The following CNTNAP2 variants were observed in gnomAD, a reference collection of about 807,000 sequenced individuals.
CNTNAP2 encodes the protein contactin associated protein 2.
Under a neutral mutation model 155.2 loss-of-function variants are expected in CNTNAP2, and 98 were observed. That is an observed-to-expected ratio of 0.63 (90% CI 0.54 to 0.75). CNTNAP2 has a LOEUF of 0.75. Ranked by LOEUF, CNTNAP2 falls within the 30% of genes least tolerant of loss-of-function variation. The pLI is 0.00. For missense variants in CNTNAP2, 1,727 were observed against 1,688.1 expected (o/e 1.02, Z -0.40); for synonymous variants, 651 against 631.2 (o/e 1.03, Z -0.47).
At chr7:146,279,212 T>C (rs2129084547) in intron 1 of CNTNAP2, among the ~76,000 whole-genome samples, 1 of 152,270 alleles carries the variant, frequency 6.6e-6, no homozygotes, top group South Asian at 2.1e-4. Context: ...ATGAATGTTG[T>C]TGTCTTTGTT....
At chr7:146,571,696 C>T (rs1798441870) in intron 1 of CNTNAP2, among the ~76,000 whole-genome samples, 1 of 151,552 alleles carries the variant, frequency 6.6e-6, no homozygotes, top group African/African-American at 2.4e-5. Context: ...AGTGTTGTTG[C>T]ATAGGCATTT....
At chr7:146,960,563 A>C (rs1477709739) in intron 3 of CNTNAP2, among the ~76,000 whole-genome samples, 1 of 152,200 alleles carries the variant, frequency 6.6e-6, no homozygotes, top group African/African-American at 2.4e-5. Context: ...TATATTTTAC[A>C]CTGCAGCAAT....
chr7:146,881,147 T>G (rs1264349884), intron 3 of CNTNAP2, among the ~76,000 whole-genome samples: 1 of 152,092 alleles, frequency 6.6e-6, no homozygotes, highest in African/African-American at 2.4e-5. Flanking sequence ...AATAGAACCC[T>G]ATCACATGGA....
At chr7:148,347,214 A>T (rs75826790) in intron 21 of CNTNAP2, among the ~76,000 whole-genome samples, 19,161 of 151,714 alleles carry the variant, frequency 0.13, 1,913 homozygotes, top group East Asian at 0.5. Context: ...CTGAGATTGC[A>T]CCACTACACT....
At chr7:147,698,552 T>C (rs926832598) in intron 13 of CNTNAP2, among the ~76,000 whole-genome samples, 1 of 152,218 alleles carries the variant, frequency 6.6e-6, no homozygotes, top group Admixed American at 6.5e-5. Flanking sequence ...CATTTTATTA[T>C]TTAAGTCCAA....
At chr7:147,304,082 G>A (rs1226861800) in intron 9 of CNTNAP2, among the ~76,000 whole-genome samples, 1 of 152,182 alleles carries the variant, frequency 6.6e-6, no homozygotes, top group African/African-American at 2.4e-5. Context: ...TTGCAGCCCA[G>A]GCTGGGCCGT....
intron 3 of CNTNAP2, among the ~76,000 whole-genome samples, chr7:146,855,172 G>T (rs1216968650): frequency 6.6e-6 from 1 of 152,198 alleles, no homozygotes; most frequent in South Asian, 2.1e-4. Context: ...AGACCGAAAA[G>T]GTTGTTTATA....
chr7:146,937,364 A>AAAATAAAAT (rs1554412072), intron 3 of CNTNAP2, among the ~76,000 whole-genome samples: 5 of 147,286 alleles, frequency 3.4e-5, no homozygotes, highest in African/African-American at 1.2e-4. Flanking sequence ...AAAAAAAAAT[A>AAAATAAAAT]AAAATAAAAT....
At chr7:146,715,026 T>G (rs1284328417) in intron 1 of CNTNAP2, among the ~76,000 whole-genome samples, 1 of 152,062 alleles carries the variant, frequency 6.6e-6, no homozygotes, top group African/African-American at 2.4e-5. Context: ...TACAAGTATT[T>G]TTATACTCTA....
chr7:147,738,134 C>T (rs1373169977), intron 13 of CNTNAP2, among the ~76,000 whole-genome samples: 1 of 152,182 alleles, frequency 6.6e-6, no homozygotes, highest in Non-Finnish European at 1.5e-5. Context: ...TAGACTGGAG[C>T]TGTTCCTATT....
chr7:146,266,176 G>A (rs1291575761), intron 1 of CNTNAP2, among the ~76,000 whole-genome samples: 5 of 152,184 alleles, frequency 3.3e-5, no homozygotes, highest in Admixed American at 2.0e-4. Flanking sequence ...GGACCTGGCA[G>A]TTCACAGTGA....
chr7:146,808,049 T>C (rs7776949), intron 2 of CNTNAP2, among the ~76,000 whole-genome samples: 1 of 152,064 alleles, frequency 6.6e-6, no homozygotes, highest in Non-Finnish European at 1.5e-5. Context: ...ATAGGATGTT[T>C]CTGCTGCAGC....
intron 3 of CNTNAP2, among the ~76,000 whole-genome samples, chr7:146,930,578 C>A (rs1029746134): frequency 6.6e-6 from 1 of 152,126 alleles, no homozygotes; most frequent in African/African-American, 2.4e-5. Flanking sequence ...GAAATTCACG[C>A]ATAACAATAT....
rs532631736 is a variant in CNTNAP2, at chr7:147,702,248, T to C, written c.2098+62942T>C. Among the ~76,000 whole-genome samples, 14 of 152,148 alleles carry C rather than the reference T, an allele frequency of 9.2e-5. No individual in the cohort carries two copies. The East Asian group carries it at 2.7e-3, about 29-fold the overall frequency. ...TCACAAGAGCTGGGGTTGCAGAATT[T>C]GCAGCAGCAATTGTATCAATGGCAT... On this transcript the variant is annotated intron_variant, in intron 13 of 23. Coordinates refer to ENST00000361727, the MANE Select transcript of CNTNAP2 (RefSeq NM_014141.6).
intron 1 of CNTNAP2, among the ~76,000 whole-genome samples, chr7:146,139,143 A>G (rs752401617): frequency 1.3e-5 from 2 of 152,080 alleles, no homozygotes; most frequent in Non-Finnish European, 2.9e-5. Context: ...GGTGACTGGG[A>G]GCTTTGACCC....
intron 1 of CNTNAP2, among the ~76,000 whole-genome samples, chr7:146,747,292 A>T (rs188109747): frequency 6.6e-5 from 10 of 152,282 alleles, no homozygotes; most frequent in Admixed American, 4.6e-4. Flanking sequence ...CTTTTCAGAG[A>T]AAAAATAAAA....
chr7:148,344,056 A>G lies in CNTNAP2; in HGVS notation c.3476-39593A>G, dbSNP rs183149104. Among the ~76,000 whole-genome samples the G allele has an allele frequency of 9.4e-3, 1,434 of 152,318 alleles. 10 individuals carry two copies. The highest frequency in any genetic ancestry group is 0.012 in the Non-Finnish European group (800 of 68,032). ...TACCCCTAGGAGTGCCTTGGGTGAG[A>G]GCGTTGTCCGGGGCAAACCTTATGA... On this transcript the variant is annotated intron_variant, in intron 21 of 23. Coordinates refer to ENST00000361727, the MANE Select transcript of CNTNAP2 (RefSeq NM_014141.6).
intron 1 of CNTNAP2, among the ~76,000 whole-genome samples, chr7:146,307,887 C>A (rs866881694): frequency 6.6e-6 from 1 of 150,874 alleles, no homozygotes; most frequent in South Asian, 2.1e-4. Flanking sequence ...CTAGAAAACC[C>A]AGGCAATACC....
chr7:147,756,646 A>G (rs1417483741), intron 13 of CNTNAP2, among the ~76,000 whole-genome samples: 1 of 152,242 alleles, frequency 6.6e-6, no homozygotes, highest in Non-Finnish European at 1.5e-5. Context: ...AGAAAAAAAT[A>G]CTACTTTGAA....
Sources: allele counts gnomAD v4.1 joint callset (sites outside exome capture counted in the v4.1 genomes callset), GRCh38; gene constraint gnomAD v4.1.1; transcripts MANE v1.5; gene names NCBI Gene and HGNC (gene_info 2026-07-23, HGNC 2026-07-21).